The following CELA2A variants were observed in gnomAD, a reference collection of about 807,000 sequenced individuals.
The protein encoded by CELA2A is chymotrypsin like elastase 2A, also known as chymotrypsin-like elastase family member 2A.
In CELA2A, 31 loss-of-function variants were observed where a neutral mutation model predicts 35.3. That is an observed-to-expected ratio of 0.88 (90% CI 0.66 to 1.19). The LOEUF is 1.19. Ranked by LOEUF, CELA2A falls within the 50% of genes most tolerant of loss-of-function variation. The probability of loss-of-function intolerance (pLI) is 0.00; values close to 1 mark genes in which losing one functional copy is unlikely to be tolerated. For synonymous variants in CELA2A, 150 were observed against 149.8 expected, an observed-to-expected ratio of 1.00 and a Z score of -0.01; for missense variants, 330 against 352.9, an observed-to-expected ratio of 0.94 and a Z score of 0.52.
At chr1:15,468,394 C>T (rs1268698877) in intron 7 of CELA2A, among the ~76,000 whole-genome samples, 4 of 152,096 alleles carry the variant, frequency 2.6e-5, no homozygotes, top group Non-Finnish European at 5.9e-5. Flanking sequence ...TGAGTTGGTC[C>T]CCCTGTCTTG....
Position 15,457,175 on chromosome 1 carries a change from G to A in CELA2A, c.129+1G>A. On this transcript the variant is annotated splice_donor_variant, in intron 2 of 7. Coordinates refer to ENST00000359621, the MANE Select transcript of CELA2A (RefSeq NM_033440.3). LOFTEE classifies it high-confidence loss of function. Reference sequence around the variant, plus strand: ...GAGGCCCAACAGCTGGCCCTGGCAGGTGAGTTGACCACACTGTACTTCTCC... The same window carrying A: ...GAGGCCCAACAGCTGGCCCTGGCAGATGAGTTGACCACACTGTACTTCTCC... 6.2e-7 allele frequency: 1 copy of A among 1,614,024 alleles called. No homozygotes were observed. Among genetic ancestry groups the A allele is most frequent in the Non-Finnish European group, 8.5e-7 (1 of 1,179,916 alleles).
intron 5 of CELA2A, among the ~76,000 whole-genome samples, chr1:15,465,447 C>T (rs1424721068): frequency 6.6e-6 from 1 of 152,130 alleles, no homozygotes; most frequent in Non-Finnish European, 1.5e-5. Flanking sequence ...CTCCCTTCAC[C>T]ACACCAGCAT....
intron 7 of CELA2A, among the ~76,000 whole-genome samples, chr1:15,469,161 G>C (rs963850697): frequency 6.6e-6 from 1 of 152,158 alleles, no homozygotes; most frequent in Non-Finnish European, 1.5e-5. Flanking sequence ...CTGGGCGACA[G>C]AGCGAGACTC....
chr1:15,471,026 T>C (rs1421449432), intron 7 of CELA2A, among the ~76,000 whole-genome samples: 1 of 152,230 alleles, frequency 6.6e-6, no homozygotes, highest in African/African-American at 2.4e-5. Flanking sequence ...ACTTAACACC[T>C]TATCACATTT....
chr1:15,465,469 G>A (rs1408748851), intron 5 of CELA2A, among the ~76,000 whole-genome samples: 1 of 152,182 alleles, frequency 6.6e-6, no homozygotes, highest in African/African-American at 2.4e-5. Context: ...TTTTTCCCAA[G>A]GAGGGGGCTC....
At chr1:15,457,003 T>TG (rs1181954709) in intron 1 of CELA2A, 83 bp from the exon 2 acceptor site, 35 of 1,408,572 alleles carry the variant, frequency 2.5e-5, no homozygotes, top group Non-Finnish European at 3.3e-5. Flanking sequence ...GTTTTCTATT[T>TG]GGGGGGTCAG....
intron 2 of CELA2A, among the ~76,000 whole-genome samples, chr1:15,459,729 C>T (rs1708407858): frequency 1.3e-5 from 2 of 152,210 alleles, no homozygotes; most frequent in South Asian, 4.1e-4. Flanking sequence ...GCTTCTGTTT[C>T]CCTGCGGAAA....
rs1418863502 is a variant in CELA2A, at chr1:15,463,540, G to T, written c.493+18G>T. On this transcript the variant is annotated intron_variant, in intron 5 of 7. Transcript: ENST00000359621. The stretch of plus-strand genomic sequence containing the variant: ...GCTGCAGAGTAAGTGGGAGCCAGGA[G>T]CCCCCAGGCCTGGGAGGGAAGGGAG... The T allele has an allele frequency of 6.2e-7, 1 of 1,612,796 alleles. No homozygotes were observed. The highest frequency in any genetic ancestry group is 1.1e-5 in the South Asian group (1 of 90,958).
Position 15,467,659 on chromosome 1 carries a change from C to A in CELA2A, c.792+121C>A. The A allele has an allele frequency of 3.1e-6, 4 of 1,280,520 alleles. No homozygotes were observed. In the South Asian group the frequency reaches 5.6e-5, roughly 18 times the overall value. The allele number at this position is 1,280,520 out of a possible 1,614,324, so 79.3% of individuals were successfully genotyped here. A position where few individuals can be genotyped will look rare whatever the true frequency, so the allele number is the denominator to read the frequency against. ...CCTCTTGAGAGCTAGATGGGAACCC[C>A]TTGGAGGAGGCTGCAGACCTGAGTA... On this transcript the variant is annotated intron_variant, in intron 7 of 7. Transcript: ENST00000359621.
chr1:15,456,900 G>C, intron 1 of CELA2A, 107 bp downstream of exon 1: 1 of 1,440,620 alleles, frequency 6.9e-7, no homozygotes, highest in Non-Finnish European at 9.7e-7. Flanking sequence ...ACTGCATTCA[G>C]ACCTATAATC....
In CELA2A at chr1:15,462,718, C is replaced by A. The variant is rs41307796; in HGVS notation, c.228-15C>A. 904 of 1,613,528 alleles carry A rather than the reference C, an allele frequency of 5.6e-4. 3 individuals are homozygous for A. Among genetic ancestry groups the A allele is most frequent in the Middle Eastern group, 4.5e-3 (27 of 6,060 alleles). On this transcript the variant is annotated splice_polypyrimidine_tract_variant and intron_variant, in intron 3 of 7. Coordinates refer to ENST00000359621, the MANE Select transcript of CELA2A (RefSeq NM_033440.3). ...CTCTGGAGGTGACCCTCTCCCTGGG[C>A]CCCCTTTCTCCCAGCTCCTCCAGGA... is the stretch of plus-strand genomic sequence containing the variant.
At position 15,467,408 on chromosome 1, in the gene CELA2A, A is replaced by C. The variant is rs1708533083; in HGVS notation, c.662A>C (p.Asn221Thr). 1 of 1,613,756 alleles carries C rather than the reference A, an allele frequency of 6.2e-7. No individual in the cohort carries two copies. The highest frequency in any genetic ancestry group is 8.5e-7 in the Non-Finnish European group (1 of 1,180,038). The stretch of plus-strand genomic sequence containing the variant: ...CAGGGAGACTCTGGCGGGCCACTGA[A>C]CTGTCAGGCGTCTGACGGCCGGTGG... ...SCNGDSGGPL[N>T]CQASDGRWQV... The change falls in exon 7 of 8, where the codon AAC becomes ACC. Residue 221 changes from asparagine to threonine, a missense_variant. By Grantham distance (65) the Asn-to-Thr change is moderately conservative. Coordinates refer to ENST00000359621, the MANE Select transcript of CELA2A (RefSeq NM_033440.3).
At chr1:15,471,776 C>T (rs1199479234) in intron 7 of CELA2A, among the ~76,000 whole-genome samples, 1 of 152,144 alleles carries the variant, frequency 6.6e-6, no homozygotes, top group East Asian at 1.9e-4. Context: ...CTGGCTAAGA[C>T]CCCCTTTACA....
At chr1:15,463,159 C>A in intron 4 of CELA2A, 1 of 737,746 alleles carries the variant, frequency 1.4e-6, no homozygotes, top group Non-Finnish European at 2.2e-6. Context: ...GACACAGGGA[C>A]AGTGCTGTCA....
intron 7 of CELA2A, among the ~76,000 whole-genome samples, chr1:15,468,987 G>A (rs1708557069): frequency 6.6e-6 from 1 of 152,152 alleles, no homozygotes. Flanking sequence ...AGACCAGCCT[G>A]GTCAACACGG....
chr1:15,463,823 C>G (rs576514211), intron 5 of CELA2A, among the ~76,000 whole-genome samples: 1 of 151,904 alleles, frequency 6.6e-6, no homozygotes, highest in East Asian at 1.9e-4. Context: ...GCCCATCCCG[C>G]GGATCACTTG....
At chr1:15,467,628 C>G in intron 7 of CELA2A, 90 bp downstream of exon 7, 1 of 1,484,694 alleles carries the variant, frequency 6.7e-7, no homozygotes, top group Admixed American at 1.8e-5. Flanking sequence ...TGAGAATCCC[C>G]TCCTTCCTCT....
chr1:15,472,075 G>T lies in CELA2A; in HGVS notation c.*68G>T, dbSNP rs1708600650. On this transcript the variant is annotated 3_prime_UTR_variant, in exon 8 of 8. Transcript: ENST00000359621. Reference sequence around the variant, plus strand: ...CAGAAGGAAAATAATATAATAAAGTGACAACTATGCAAATCACATCTTGAT... The same window carrying T: ...CAGAAGGAAAATAATATAATAAAGTTACAACTATGCAAATCACATCTTGAT... The T allele has an allele frequency of 6.3e-7, 1 of 1,592,462 alleles. No individual in the cohort carries two copies. Among genetic ancestry groups the T allele is most frequent in the Non-Finnish European group, 8.6e-7 (1 of 1,160,572 alleles).
chr1:15,456,816 A>C, intron 1 of CELA2A, 23 bp downstream of exon 1: 2 of 1,614,110 alleles, frequency 1.2e-6, no homozygotes, highest in Non-Finnish European at 1.7e-6. Context: ...ACCCAGAGGC[A>C]CTGGTTTCCC....
Sources: allele counts gnomAD v4.1 joint callset (sites outside exome capture counted in the v4.1 genomes callset), GRCh38; gene constraint gnomAD v4.1.1; transcripts MANE v1.5; gene names NCBI Gene and HGNC (gene_info 2026-07-23, HGNC 2026-07-21).